The following B9D1 variants were observed in gnomAD, a reference collection of about 807,000 sequenced individuals.
The protein encoded by B9D1 is B9 domain containing 1, also known as B9 domain-containing protein 1.
Under a neutral mutation model 26.1 loss-of-function variants are expected in B9D1, and 20 were observed. That is an observed-to-expected ratio of 0.77 (90% confidence interval 0.54 to 1.12). B9D1 has a LOEUF of 1.12. Ranked by LOEUF, B9D1 falls within the 50% of genes most tolerant of loss-of-function variation. The probability of loss-of-function intolerance (pLI) is 0.00; values close to 1 mark genes in which losing one functional copy is unlikely to be tolerated. For missense variants in B9D1, 260 were observed against 273.7 expected, an observed-to-expected ratio of 0.95 and a Z score of 0.35; for synonymous variants, 105 against 103.1, an observed-to-expected ratio of 1.02 and a Z score of -0.11.
chr17:19,345,437 A>T (rs1016999615), intron 5 of B9D1, among the ~76,000 whole-genome samples: 1 of 152,284 alleles, frequency 6.6e-6, no homozygotes, highest in South Asian at 2.1e-4. Flanking sequence ...TAGTCCTGGG[A>T]AACCGTGCAC....
chr17:19,356,365 T>C (rs557773624), intron 3 of B9D1, among the ~76,000 whole-genome samples: 1 of 152,342 alleles, frequency 6.6e-6, no homozygotes, highest in South Asian at 2.1e-4. Context: ...GTGCTGGAAT[T>C]ACAGGCATGA....
At chr17:19,362,815 GA>G, upstream of B9D1, 1 of 1,165,908 alleles carries the variant, frequency 8.6e-7, no homozygotes. Context: ...GGGCAGGTAT[GA>G]CCGAGAGCTG....
intron 5 of B9D1, chr17:19,346,888 TC>T: frequency 1.4e-6 from 2 of 1,417,446 alleles, no homozygotes; most frequent in Non-Finnish European, 1.8e-6. Context: ...GGCCAGAGAC[TC>T]CCACATGTAA....
chr17:19,344,871 G>A (rs1908544572), intron 5 of B9D1, among the ~76,000 whole-genome samples: 1 of 152,220 alleles, frequency 6.6e-6, no homozygotes, highest in Non-Finnish European at 1.5e-5. Context: ...GGGAGCCAGA[G>A]AGTGAAAGCC....
In B9D1 at chr17:19,370,976, C is replaced by T. The variant is rs535490364; in HGVS notation, c.-298+6883G>A. On this transcript the variant is annotated intron_variant, in intron 1 of 5. Transcript: ENST00000477478. This position sits in a 1 kb window ranked among gnomAD's most constrained non-coding sequence, Gnocchi z 5.1. ...AGCCCAGCCTGCCCATCAAGCCCCACTGCTTTCCACTGCTTTGGTGCCTTC... is the reference window on the plus strand; with the variant it reads ...AGCCCAGCCTGCCCATCAAGCCCCATTGCTTTCCACTGCTTTGGTGCCTTC... Among the ~76,000 whole-genome samples, 1 of 152,246 alleles carries T rather than the reference C, an allele frequency of 6.6e-6. No homozygotes were observed. The highest frequency in any genetic ancestry group is 2.4e-5 in the African/African-American group (1 of 41,458).
chr17:19,370,886 CA>C lies in B9D1; in HGVS notation c.-298+6972del, dbSNP rs1483261457. On this transcript the variant is annotated intron_variant, in intron 1 of 5. Coordinates refer to the B9D1 transcript ENST00000477478. The surrounding 1 kb of genome is among the most constrained non-coding windows in gnomAD (Gnocchi z 5.1). ...ATGCAAATGCCACACTGAGCTGAGC[CA>C]AGGCAGGGGTCAATTCTGAAGGCCT... Among the ~76,000 whole-genome samples the C allele has an allele frequency of 1.3e-5, 2 of 152,216 alleles. No individual in the cohort carries two copies. The highest frequency in any genetic ancestry group is 2.9e-5 in the Non-Finnish European group (2 of 68,032).
downstream of B9D1, chr17:19,335,550 A>C: frequency 7.3e-7 from 1 of 1,363,984 alleles, no homozygotes; most frequent in Admixed American, 2.2e-5. Flanking sequence ...AGTTGTCCCG[A>C]GGGCGTGGGG....
downstream of B9D1, chr17:19,335,174 T>TAA: frequency 5.2e-5 from 18 of 345,594 alleles, no homozygotes; most frequent in East Asian, 1.3e-4. Flanking sequence ...GATGTTTATT[T>TAA]AAAAAAAAAA....
intron 1 of B9D1, among the ~76,000 whole-genome samples, chr17:19,368,073 C>T (rs1261798322): frequency 6.6e-6 from 1 of 152,178 alleles, no homozygotes; most frequent in Non-Finnish European, 1.5e-5. Flanking sequence ...CAACTCGGAT[C>T]CAGCCTCCTG....
chr17:19,362,399 A>T, intron 1 of B9D1, 108 bp downstream of exon 1: 1 of 795,528 alleles, frequency 1.3e-6, no homozygotes, highest in Non-Finnish European at 1.9e-6. Context: ...CGAGAGGCTC[A>T]GAGGAATGAC....
chr17:19,355,093 C>T (rs7221836), intron 3 of B9D1, among the ~76,000 whole-genome samples: 2,114 of 152,278 alleles, frequency 0.014, 35 homozygotes, highest in South Asian at 0.066. Context: ...ACCTTCTCAT[C>T]TATATTTTCT....
chr17:19,358,001 C>G, intron 2 of B9D1, 50 bp from the exon 3 acceptor site: 1 of 1,430,020 alleles, frequency 7.0e-7, no homozygotes, highest in Non-Finnish European at 9.9e-7. Context: ...AGCCAAGCTG[C>G]TGCGGCTCCT....
At chr17:19,365,192 G>A (rs776247772), upstream of B9D1, among the ~76,000 whole-genome samples, 1 of 152,254 alleles carries the variant, frequency 6.6e-6, no homozygotes, top group Non-Finnish European at 1.5e-5. The surrounding 1 kb of genome is among the most constrained non-coding windows in gnomAD (Gnocchi z 5.0). Flanking sequence ...GCCAGGACCA[G>A]GCTACCAAAC....
At chr17:19,339,134 T>C (rs952777491), downstream of B9D1, among the ~76,000 whole-genome samples, 1 of 152,272 alleles carries the variant, frequency 6.6e-6, no homozygotes, top group Non-Finnish European at 1.5e-5. Context: ...AGTTTTATTA[T>C]GCCTTTATTG....
chr17:19,340,486 T>TA (rs1180660000), downstream of B9D1, among the ~76,000 whole-genome samples: 4 of 148,906 alleles, frequency 2.7e-5, no homozygotes, highest in Non-Finnish European at 4.5e-5. Flanking sequence ...TGTGCATTCT[T>TA]AAAGTATTCT....
At chr17:19,371,128 G>A (rs1428352636) in intron 1 of B9D1, 1 of 152,504 alleles carries the variant, frequency 6.6e-6, no homozygotes, top group Non-Finnish European at 1.5e-5. Flanking sequence ...TGTGTGTGCT[G>A]ACGCAGAGCG....
chr17:19,371,968 G>C (rs935409847), intron 1 of B9D1: 4 of 152,242 alleles, frequency 2.6e-5, no homozygotes, highest in African/African-American at 9.6e-5. Context: ...AGAGAGCTGT[G>C]TGTGTGTAAA....
chr17:19,366,600 G>A (rs1365464578), upstream of B9D1, among the ~76,000 whole-genome samples: 1 of 152,112 alleles, frequency 6.6e-6, no homozygotes, highest in Non-Finnish European at 1.5e-5. Flanking sequence ...AGATCACAGT[G>A]AGTTGGAAGC....
intron 1 of B9D1, chr17:19,371,244 C>T (rs1467847910): frequency 2.6e-5 from 4 of 152,424 alleles, no homozygotes; most frequent in South Asian, 2.1e-4. Context: ...ATGTATGTCC[C>T]AGTAGCTTGT....
Sources: allele counts gnomAD v4.1 joint callset (sites outside exome capture counted in the v4.1 genomes callset), GRCh38; gene constraint gnomAD v4.1.1; non-coding constraint Gnocchi (gnomAD v3.1); transcripts MANE v1.5; gene names NCBI Gene and HGNC (gene_info 2026-07-23, HGNC 2026-07-21).